Variants in SHC4 observed in about 807,000 individuals in gnomAD.
SHC4 encodes the protein SHC adaptor protein 4.
In SHC4, 41 loss-of-function variants were observed where a neutral mutation model predicts 69.4. The observed-to-expected ratio is 0.59, with a 90% CI of 0.46 to 0.77. The LOEUF (loss-of-function observed/expected upper bound fraction) is 0.77, where lower values mean the gene tolerates loss of function less well. SHC4 is among the 30% of genes least tolerant of loss of function. SHC4 has a pLI of 0.00. For synonymous variants in SHC4, 318 were observed against 299.3 expected (o/e 1.06, Z -0.64); for missense variants, 777 against 783.8 (o/e 0.99, Z 0.10).
intron 2 of SHC4, among the ~76,000 whole-genome samples, chr15:48,924,212 A>G (rs562414026): frequency 6.6e-6 from 1 of 152,210 alleles, no homozygotes; most frequent in South Asian, 2.1e-4. Flanking sequence ...ATATCGACCC[A>G]GTCCTCTCAC....
intron 1 of SHC4, among the ~76,000 whole-genome samples, chr15:48,955,139 G>A (rs769772104): frequency 3.3e-5 from 5 of 152,148 alleles, no homozygotes; most frequent in African/African-American, 4.8e-5. Context: ...GTCCCTTTGC[G>A]TAAAAGAAAG....
At chr15:48,955,572 C>T (rs1567078739) in intron 1 of SHC4, among the ~76,000 whole-genome samples, 1 of 152,190 alleles carries the variant, frequency 6.6e-6, no homozygotes, top group Non-Finnish European at 1.5e-5. Flanking sequence ...CCTGGCCCAA[C>T]ATGGACACAC....
At chr15:48,833,073 C>T (rs528874416) in intron 11 of SHC4, among the ~76,000 whole-genome samples, 1 of 152,120 alleles carries the variant, frequency 6.6e-6, no homozygotes, top group African/African-American at 2.4e-5. Flanking sequence ...TTGTTTGGGC[C>T]ATGTTTCCCT....
chr15:48,843,721 T>G (rs951759573), intron 9 of SHC4, 133 bp from the exon 10 acceptor site: 2 of 804,134 alleles, frequency 2.5e-6, no homozygotes, highest in African/African-American at 3.6e-5. Flanking sequence ...ACACTTAACT[T>G]TTAGGTTTGA....
At chr15:48,830,783 G>C (rs995664449) in intron 11 of SHC4, among the ~76,000 whole-genome samples, 3 of 152,166 alleles carry the variant, frequency 2.0e-5, no homozygotes, top group Non-Finnish European at 4.4e-5. Context: ...GATGAAAAAA[G>C]AAACAAAGCA....
chr15:48,841,652 CTT>C (rs1898990368), intron 10 of SHC4, among the ~76,000 whole-genome samples: 1 of 152,186 alleles, frequency 6.6e-6, no homozygotes, highest in Admixed American at 6.5e-5. Context: ...TTGGCTGAGG[CTT>C]TGTCAGGCCT....
intron 1 of SHC4, among the ~76,000 whole-genome samples, chr15:48,948,798 TG>T (rs1389307602): frequency 6.6e-6 from 1 of 152,140 alleles, no homozygotes; most frequent in Non-Finnish European, 1.5e-5. Flanking sequence ...CCCAGCTACT[TG>T]GGAGGCTTAG....
chr15:48,877,391 G>GT, intron 4 of SHC4: 1 of 939,608 alleles, frequency 1.1e-6, no homozygotes, highest in Non-Finnish European at 1.3e-6. Context: ...CTTGAATCCT[G>GT]TAAGTATACA....
chr15:48,923,898 T>C (rs112425628), intron 2 of SHC4, among the ~76,000 whole-genome samples: 8 of 152,178 alleles, frequency 5.3e-5, no homozygotes, highest in Admixed American at 2.0e-4. Context: ...ACCTCAGCCT[T>C]CTGAGTTGCT....
intron 3 of SHC4, among the ~76,000 whole-genome samples, chr15:48,889,791 C>T (rs62010876): frequency 0.15 from 23,550 of 152,110 alleles, 2,098 homozygotes; most frequent in East Asian, 0.28. Context: ...TTGCAGTGAG[C>T]CGAGATCGCA....
chr15:48,894,232 T>C (rs1157151574), intron 2 of SHC4, among the ~76,000 whole-genome samples: 2 of 152,216 alleles, frequency 1.3e-5, no homozygotes, highest in African/African-American at 2.4e-5. Context: ...AATAGTAATA[T>C]AGAAAGAGCT....
chr15:48,878,103 A>G, intron 4 of SHC4: 1 of 1,499,338 alleles, frequency 6.7e-7, no homozygotes, highest in Non-Finnish European at 8.9e-7. Context: ...GCCTTTGCGC[A>G]CGCGCACGAA....
At chr15:48,955,748 C>G (rs574242768) in intron 1 of SHC4, among the ~76,000 whole-genome samples, 3 of 152,288 alleles carry the variant, frequency 2.0e-5, no homozygotes, top group South Asian at 4.1e-4. Context: ...AAAAAGCACA[C>G]GCAGCATTTT....
Position 48,961,797 on chromosome 15 carries a change from G to T in SHC4, c.585+634C>A, listed in dbSNP as rs111392594. 5.5e-3 allele frequency among the ~76,000 whole-genome samples: 845 copies of T among 152,342 alleles called. 4 individuals are homozygous for T. Among genetic ancestry groups the T allele is most frequent in the African/African-American group, 0.019 (810 of 41,578 alleles). ...CTGAGCAAGGACAGATACAAGGCCA[G>T]TAAGGACCTTGATTTTGCCCATAGC... On this transcript the variant is annotated intron_variant, in intron 1 of 11. Coordinates refer to ENST00000332408, the MANE Select transcript of SHC4 (RefSeq NM_203349.4).
chr15:48,959,729 C>A (rs903610554), intron 1 of SHC4, among the ~76,000 whole-genome samples: 1 of 152,194 alleles, frequency 6.6e-6, no homozygotes, highest in African/African-American at 2.4e-5. Flanking sequence ...AACTTTGGTT[C>A]ATTTGGTATG....
At chr15:48,839,146 A>G (rs1016185094) in intron 10 of SHC4, among the ~76,000 whole-genome samples, 1 of 152,216 alleles carries the variant, frequency 6.6e-6, no homozygotes, top group Non-Finnish European at 1.5e-5. Flanking sequence ...CAATAACAGG[A>G]AAGAGAGAAG....
rs12440342 is a variant in SHC4, at chr15:48,929,653, C to T, written c.586-4704G>A. ...AGGAACACGGTGAACAGTGTCGAGA[C>T]GGGGGACCACAATGGTAACAGCAGA... On this transcript the variant is annotated intron_variant, in intron 1 of 11. Transcript: ENST00000332408. Among the ~76,000 whole-genome samples the T allele has an allele frequency of 2.8e-3, 419 of 152,268 alleles. 10 individuals carry two copies. Among genetic ancestry groups the T allele is most frequent in the Admixed American group, 0.024 (373 of 15,304 alleles).
intron 2 of SHC4, among the ~76,000 whole-genome samples, chr15:48,895,007 G>A (rs1296126710): frequency 6.6e-6 from 1 of 151,910 alleles, no homozygotes; most frequent in Non-Finnish European, 1.5e-5. Flanking sequence ...GTCTCCCTAT[G>A]TTGCCTGGGT....
In SHC4 at chr15:48,858,307, G is replaced by A. The variant is rs183865925; in HGVS notation, c.947-492C>T. 7.8e-3 allele frequency among the ~76,000 whole-genome samples: 1,185 copies of A among 152,066 alleles called. 16 individuals are homozygous for A. The highest frequency in any genetic ancestry group is 8.3e-3 in the Non-Finnish European group (563 of 67,980). ...GGTAAAGATAGGGGCTTTGGAATAC[G>A]CCCCCCGCCCCGCTGCCACCCCTTT... On this transcript the variant is annotated intron_variant, in intron 6 of 11. Coordinates refer to ENST00000332408, the MANE Select transcript of SHC4 (RefSeq NM_203349.4).
Sources: allele counts gnomAD v4.1 joint callset (sites outside exome capture counted in the v4.1 genomes callset), GRCh38; gene constraint gnomAD v4.1.1; transcripts MANE v1.5; gene names NCBI Gene and HGNC (gene_info 2026-07-23, HGNC 2026-07-21).